Variants in PLK4 observed in about 807,000 individuals in gnomAD.
PLK4 encodes polo like kinase 4.
Under a neutral mutation model 103.0 loss-of-function variants are expected in PLK4, and 51 were observed. The ratio of observed to expected loss-of-function variants is 0.50; its 90% CI spans 0.40 to 0.63. The LOEUF is 0.63. PLK4 is among the 20% of genes least tolerant of loss of function. The probability of loss-of-function intolerance (pLI) is 0.00; values close to 1 mark genes in which losing one functional copy is unlikely to be tolerated. For synonymous variants in PLK4, 389 were observed against 376.8 expected (o/e 1.03, Z -0.38); for missense variants, 1,054 against 1,151.0 (o/e 0.92, Z 1.22).
In PLK4 at chr4:127,886,309, G is replaced by A. The variant is rs1414357356; in HGVS notation, c.939G>A (p.Leu313=). ...SGSLFDKRRL[L]IGQPLPNKMT... ...GTTTATTTGACAAAAGAAGACTTTT[G>A]ATTGGTCAGCCACTCCCAAATAAAA... Residue 313 remains leucine (L), a synonymous_variant, in exon 5 of 16, where the codon TTG becomes TTA. Coordinates refer to ENST00000270861, the MANE Select transcript of PLK4 (RefSeq NM_014264.5). The A allele has an allele frequency of 6.2e-7, 1 of 1,613,918 alleles. No individual in the cohort carries two copies. The highest frequency in any genetic ancestry group is 1.7e-5 in the Admixed American group (1 of 59,974).
intron 15 of PLK4, 138 bp from the exon 16 acceptor site, chr4:127,898,301 T>C: frequency 1.8e-6 from 1 of 553,458 alleles, no homozygotes; most frequent in East Asian, 3.1e-5. Flanking sequence ...AGGTATCTAA[T>C]AAATAATTGT....
chr4:127,898,488 T>C lies in PLK4; in HGVS notation c.2860T>C (p.Cys954Arg), dbSNP rs755503996. 1.9e-6 allele frequency: 3 copies of C among 1,590,432 alleles called. No homozygotes were observed. The highest frequency in any genetic ancestry group is 2.6e-6 in the Non-Finnish European group (3 of 1,161,210). Residue 954 changes from cysteine (C) to arginine (R), a missense_variant, in exon 16 of 16, where the codon TGT (cysteine) becomes CGT (arginine). Physicochemically the swap from Cys to Arg is radical, Grantham distance 180. Transcript: ENST00000270861. ...AGACTACATCAAACAGAAATTACAG[T>C]GTCTGTCTTCCATCCTTTTGATGTT... ...LPDYIKQKLQ[C>R]LSSILLMFSN...
intron 13 of PLK4, among the ~76,000 whole-genome samples, chr4:127,894,648 A>G (rs1472252373): frequency 6.6e-6 from 1 of 152,168 alleles, no homozygotes; most frequent in Non-Finnish European, 1.5e-5. Context: ...CAGTGTAGAA[A>G]AATGCAACAT....
At chr4:127,897,989 C>T (rs1735641454) in intron 15 of PLK4, among the ~76,000 whole-genome samples, 1 of 151,564 alleles carries the variant, frequency 6.6e-6, no homozygotes, top group South Asian at 2.1e-4. Context: ...CAGGCATACG[C>T]CACCACACCT....
chr4:127,886,774 T>C (rs766199080), intron 5 of PLK4, 46 bp downstream of exon 5: 8 of 1,196,026 alleles, frequency 6.7e-6, no homozygotes, highest in Non-Finnish European at 9.4e-6. Context: ...GGTAACATTA[T>C]ACTAGTATAA....
intron 10 of PLK4, 81 bp from the exon 11 acceptor site, chr4:127,893,204 A>T (rs565316120): frequency 2.4e-6 from 2 of 835,228 alleles, no homozygotes; most frequent in Non-Finnish European, 3.7e-6. Flanking sequence ...GAGCCATTAT[A>T]TACTGGTATG....
chr4:127,886,429 T>G lies in PLK4; in HGVS notation c.1059T>G (p.Ser353Arg), dbSNP rs766858397. 7 of 1,613,972 alleles carry G rather than the reference T, an allele frequency of 4.3e-6. No homozygotes were observed. The South Asian group carries it at 7.7e-5, about 18-fold the overall frequency. ...FYTQWGNQET[S>R]NSGRGRVIQD... ...CTCAGTGGGGAAATCAAGAAACCAG[T>G]AATAGTGGAAGGGGAAGAGTAATTC... Residue 353 changes from serine to arginine, a missense_variant, in exon 5 of 16, where the codon AGT becomes AGG. Ser to Arg is a moderately radical substitution (Grantham distance 110). Transcript: ENST00000270861.
chr4:127,891,170 C>A lies in PLK4; in HGVS notation c.1909C>A (p.Leu637Ile). The change falls in exon 8 of 16, where the codon CTT becomes ATT. Residue 637 changes from leucine (L) to isoleucine (I), a missense_variant. Physicochemically the swap from Leu to Ile is conservative, Grantham distance 5. Coordinates refer to ENST00000270861, the MANE Select transcript of PLK4 (RefSeq NM_014264.5). The stretch of plus-strand genomic sequence containing the variant: ...ATCTCAAGAATATGTGAAAGAAGTT[C>A]TTCAGATATCTAGTGATGGAAATAC... ...YASQEYVKEVLQISSDGNTIT... is the reference protein window; with the variant it reads ...YASQEYVKEVIQISSDGNTIT... 1 of 1,556,744 alleles carries A rather than the reference C, an allele frequency of 6.4e-7. No individual in the cohort carries two copies. Among genetic ancestry groups the A allele is most frequent in the South Asian group, 1.1e-5 (1 of 87,606 alleles).
In PLK4 at chr4:127,880,899, A is replaced by C. The variant is rs960221624; in HGVS notation, c.-236A>C. On this transcript the variant is annotated 5_prime_UTR_variant, in exon 1 of 16. Coordinates refer to ENST00000270861, the MANE Select transcript of PLK4 (RefSeq NM_014264.5). ...CGATCCATCTCGTTACGTCACCACC[A>C]GCCTAGCTCGGACGGCAAGCGGCGG... is the stretch of plus-strand genomic sequence containing the variant. 5 of 565,826 alleles carry C rather than the reference A, an allele frequency of 8.8e-6. No homozygotes were observed. Among genetic ancestry groups the C allele is most frequent in the Non-Finnish European group, 1.6e-5 (5 of 316,274 alleles). The allele number at this position is 565,826 out of a possible 1,614,324, so 35.1% of individuals were successfully genotyped here. A position where few individuals can be genotyped will look rare whatever the true frequency, so the allele number is the denominator to read the frequency against.
chr4:127,884,402 C>T (rs540195641), intron 4 of PLK4, among the ~76,000 whole-genome samples: 3 of 152,278 alleles, frequency 2.0e-5, no homozygotes, highest in African/African-American at 7.2e-5. Context: ...TTCTTTGACT[C>T]AGATTCCATT....
At chr4:127,897,882 C>CCAGGCT (rs1735636415) in intron 15 of PLK4, among the ~76,000 whole-genome samples, 1 of 107,178 alleles carries the variant, frequency 9.3e-6, no homozygotes, top group Non-Finnish European at 1.7e-5. Flanking sequence ...GCTCTGTTGC[C>CCAGGCT]CAGGCTCGAG....
In PLK4 at chr4:127,893,514, G is replaced by A. The variant is rs746676108; in HGVS notation, c.2324G>A (p.Gly775Asp). 1.2e-6 allele frequency: 2 copies of A among 1,609,954 alleles called. No homozygotes were observed. Among genetic ancestry groups the A allele is most frequent in the Admixed American group, 1.7e-5 (1 of 59,576 alleles). The change falls in exon 12 of 16, where the codon GGT becomes GAT. Residue 775 changes from glycine to aspartate, a missense_variant and splice_region_variant. Coordinates refer to ENST00000270861, the MANE Select transcript of PLK4 (RefSeq NM_014264.5). ...IKMYMDHANE[G>D]HRICLALESI... is the part of the protein sequence containing the mutation. The stretch of plus-strand genomic sequence containing the variant: ...AGAAGCACTCTTCTTTTGAAATAGG[G>A]TCATCGTATTTGTTTAGCACTGGAA...
At chr4:127,886,809 G>A in intron 5 of PLK4, 81 bp downstream of exon 5, 1 of 789,480 alleles carries the variant, frequency 1.3e-6, no homozygotes, top group South Asian at 2.2e-5. Context: ...GTAAGCGGGG[G>A]GATACCAGGG....
Position 127,886,724 on chromosome 4 carries a change from GC to G in PLK4, c.1355del (p.Ala452AspfsTer34). 1 of 1,588,360 alleles carries G rather than the reference GC, an allele frequency of 6.3e-7. No individual in the cohort carries two copies. Among genetic ancestry groups the G allele is most frequent in the Non-Finnish European group, 8.6e-7 (1 of 1,167,068 alleles). On this transcript the variant is annotated frameshift_variant, in exon 5 of 16. Coordinates refer to ENST00000270861, the MANE Select transcript of PLK4 (RefSeq NM_014264.5). LOFTEE classifies it high-confidence loss of function. ...TTTTGAAAGACCTGATAACAATCAA[GC>G]ACTGTAAGAATAATTCTATCAGAGG... ...GSFERPDNNQ[A>X]LSNHLCPGKT... is the part of the protein sequence containing the mutation.
rs754193352 is a variant in PLK4 at position 127,893,501 on chromosome 4, C to G, written c.2323-12C>G. On this transcript the variant is annotated splice_polypyrimidine_tract_variant and intron_variant, in intron 11 of 15. Transcript: ENST00000270861. ...GTGAAACAATGACAGAAGCACTCTTCTTTTGAAATAGGGTCATCGTATTTG... is the reference window on the plus strand; with the variant it reads ...GTGAAACAATGACAGAAGCACTCTTGTTTTGAAATAGGGTCATCGTATTTG... 6.2e-7 allele frequency: 1 copy of G among 1,605,648 alleles called. No individual in the cohort carries two copies. The highest frequency in any genetic ancestry group is 8.5e-7 in the Non-Finnish European group (1 of 1,176,336).
At chr4:127,893,191 C>G (rs1164788031) in intron 10 of PLK4, 94 bp from the exon 11 acceptor site, 3 of 651,834 alleles carry the variant, frequency 4.6e-6, no homozygotes, top group Non-Finnish European at 7.5e-6. Context: ...TACCTTGATC[C>G]AGGAGCCATT....
At position 127,882,071 on chromosome 4, in the gene PLK4, A is replaced by G. The variant is rs1237485424; in HGVS notation, c.126+145A>G. On this transcript the variant is annotated intron_variant, in intron 2 of 15. Transcript: ENST00000270861. ...ACATAGGCAGAAGACAATAGTGCCA[A>G]GTCCAGCCGTTGAACTTAAAAATAT... 5 of 571,514 alleles carry G rather than the reference A, an allele frequency of 8.7e-6. No homozygotes were observed. The East Asian group carries it at 1.5e-4, about 17-fold the overall frequency. 35.4% of individuals were successfully genotyped at this position (571,514 alleles called of 1,614,324 possible).
At chr4:127,894,621 C>T (rs1044614526) in intron 13 of PLK4, among the ~76,000 whole-genome samples, 12 of 151,872 alleles carry the variant, frequency 7.9e-5, no homozygotes, top group Admixed American at 7.2e-4. Context: ...ATGAACATGG[C>T]GATGAAGATT....
intron 15 of PLK4, among the ~76,000 whole-genome samples, chr4:127,897,824 C>CT (rs200741150): frequency 0.029 from 833 of 28,750 alleles, 369 homozygotes; most frequent in African/African-American, 0.082. Context: ...AGAATTAGGG[C>CT]TTTTTTTTTT....
Sources: gnomAD v4.1 joint callset for allele counts (sites outside exome capture counted in the v4.1 genomes callset) on GRCh38, gnomAD v4.1.1 for gene constraint, MANE v1.5 for transcripts, NCBI Gene and HGNC (gene_info 2026-07-23, HGNC 2026-07-21) for gene names.